ZBBX: variants seen among roughly 807,000 people sequenced by gnomAD.
The protein encoded by ZBBX is zinc finger B-box domain containing, also known as zinc finger B-box domain-containing protein 1.
A neutral mutation model predicts 108.5 loss-of-function variants in ZBBX; 101 were observed. That is an observed-to-expected ratio of 0.93 (90% CI 0.79 to 1.10). ZBBX has a LOEUF of 1.10. Ranked by LOEUF, ZBBX falls within the 50% of genes least tolerant of loss-of-function variation. ZBBX has a pLI of 0.00. For missense variants in ZBBX, 1,009 were observed against 941.4 expected (o/e 1.07, Z -0.94); for synonymous variants, 356 against 323.4 (o/e 1.10, Z -1.08).
chr3:167,325,423 C>T (rs1737190143), intron 11 of ZBBX, among the ~76,000 whole-genome samples: 1 of 152,096 alleles, frequency 6.6e-6, no homozygotes, highest in South Asian at 2.1e-4. Context: ...GACGTATTCA[C>T]TATCACGAGA....
At chr3:167,266,010 C>T (rs1725393870) in intron 20 of ZBBX, among the ~76,000 whole-genome samples, 1 of 152,184 alleles carries the variant, frequency 6.6e-6, no homozygotes, top group Middle Eastern at 3.2e-3. Flanking sequence ...CTCTCTTGCC[C>T]TTTTCAATAC....
chr3:167,361,326 G>A (rs1291913946), intron 6 of ZBBX, among the ~76,000 whole-genome samples: 5 of 152,042 alleles, frequency 3.3e-5, no homozygotes, highest in Non-Finnish European at 5.9e-5. Context: ...AAAATTTTGG[G>A]ATTTTAATAT....
chr3:167,401,513 A>G (rs1179339932), intron 1 of ZBBX: 1 of 152,184 alleles, frequency 6.6e-6, no homozygotes, highest in Non-Finnish European at 1.5e-5. Context: ...TTTTATGGCC[A>G]TTTCTTGATT....
chr3:167,205,969 A>G, the ZBBX span, among the ~76,000 whole-genome samples: 2 of 152,118 alleles, frequency 1.3e-5, no homozygotes, highest in Non-Finnish European at 2.9e-5. Context: ...ACGATCAATC[A>G]TCTATATCTT....
At chr3:167,383,787 T>C (rs1239984133), upstream of ZBBX, among the ~76,000 whole-genome samples, 1 of 152,118 alleles carries the variant, frequency 6.6e-6, no homozygotes, top group East Asian at 1.9e-4. Context: ...ACCTGTTCTA[T>C]TCCAGGCACG....
At position 167,305,854 on chromosome 3, in the gene ZBBX, T is replaced by C. The variant is rs778442275; in HGVS notation, c.1514A>G (p.Asn505Ser). ...KIEESTSFER[N>S]LKEKNIGLES... Reference sequence around the variant, plus strand: ...TAAACCTATATTTTTCTCCTTTAAATTTCTTTCAAAGGAGGTGCTTTCCTC... The same window carrying C: ...TAAACCTATATTTTTCTCCTTTAAACTTCTTTCAAAGGAGGTGCTTTCCTC... The change falls in exon 17 of 22, where the codon AAT (asparagine) becomes AGT (serine). Residue 505 changes from asparagine to serine, a missense_variant. Asn to Ser is a conservative substitution (Grantham distance 46). Coordinates refer to ENST00000675490, the MANE Select transcript of ZBBX (RefSeq NM_001199201.2). 1 of 1,610,724 alleles carries C rather than the reference T, an allele frequency of 6.2e-7. No individual in the cohort carries two copies. The highest frequency in any genetic ancestry group is 8.5e-7 in the Non-Finnish European group (1 of 1,178,396).
intron 6 of ZBBX, among the ~76,000 whole-genome samples, chr3:167,362,549 CT>C (rs1744685823): frequency 6.6e-6 from 1 of 152,140 alleles, no homozygotes; most frequent in Admixed American, 6.6e-5. Context: ...ACTAATTGTC[CT>C]TCCTTCCAAG....
chr3:167,198,885 G>A, the ZBBX span, among the ~76,000 whole-genome samples: 4 of 152,150 alleles, frequency 2.6e-5, no homozygotes, highest in Non-Finnish European at 5.9e-5. Context: ...TGAAAGTAAA[G>A]GTTATTTGGT....
chr3:167,245,779 T>G (rs1274750930), intron 20 of ZBBX, among the ~76,000 whole-genome samples: 1 of 152,186 alleles, frequency 6.6e-6, no homozygotes, highest in Non-Finnish European at 1.5e-5. Context: ...TCCACAGCCA[T>G]GCTTCCCGTG....
upstream of ZBBX, among the ~76,000 whole-genome samples, chr3:167,384,394 G>T (rs938071554): frequency 6.6e-6 from 1 of 152,044 alleles, no homozygotes; most frequent in African/African-American, 2.4e-5. Context: ...ACATTTGATA[G>T]CTTGGTAAAT....
chr3:167,284,733 T>G (rs1214654397), intron 19 of ZBBX, among the ~76,000 whole-genome samples: 1 of 152,158 alleles, frequency 6.6e-6, no homozygotes, highest in Non-Finnish European at 1.5e-5. Flanking sequence ...ACCATCTTTC[T>G]TACTGGAAAT....
chr3:167,362,588 A>G (rs1017764129), intron 6 of ZBBX, among the ~76,000 whole-genome samples: 1 of 152,102 alleles, frequency 6.6e-6, no homozygotes. Flanking sequence ...TGGATCTTCT[A>G]TTAAATAGTC....
intron 10 of ZBBX, among the ~76,000 whole-genome samples, chr3:167,329,114 G>C (rs557477418): frequency 3.9e-5 from 6 of 152,188 alleles, no homozygotes; most frequent in Admixed American, 2.0e-4. Context: ...ATTAATGATG[G>C]TTGTGGAGAG....
In ZBBX at chr3:167,242,624, G is replaced by T; in HGVS notation, c.2274C>A (p.Tyr758Ter). ...CTGGGAACTCTTCTGAGGTTAAGCT[G>T]TAAAGCTTTTCTGAAGTATCTGAAA... is the stretch of plus-strand genomic sequence containing the variant. ...RSLADTSEKL[Y>*]SLTSEEFPDF... The change falls in exon 21 of 22, where the codon TAC (tyrosine) becomes TAA (stop). Residue 758 changes from tyrosine to a stop codon, truncating the protein, a stop_gained. Coordinates refer to ENST00000675490, the MANE Select transcript of ZBBX (RefSeq NM_001199201.2). LOFTEE classifies it high-confidence loss of function. The T allele has an allele frequency of 6.2e-7, 1 of 1,610,270 alleles. No homozygotes were observed. Among genetic ancestry groups the T allele is most frequent in the Non-Finnish European group, 8.5e-7 (1 of 1,178,876 alleles).
At chr3:167,397,183 A>C (rs6777252) in intron 1 of ZBBX, among the ~76,000 whole-genome samples, 15,981 of 145,484 alleles carry the variant, frequency 0.11, 1,047 homozygotes, top group Non-Finnish European at 0.15. Context: ...TCCTTTCTAC[A>C]AAATGCTTTC....
At chr3:167,236,134 G>A (rs529426344), downstream of ZBBX, among the ~76,000 whole-genome samples, 72 of 151,848 alleles carry the variant, frequency 4.7e-4, no homozygotes, top group Middle Eastern at 6.8e-3. Flanking sequence ...ATTTAAAACA[G>A]CTTTGAATTT....
At chr3:167,297,005 T>A (rs1324616543) in intron 18 of ZBBX, among the ~76,000 whole-genome samples, 1 of 152,018 alleles carries the variant, frequency 6.6e-6, no homozygotes, top group Non-Finnish European at 1.5e-5. Context: ...CAAAACAGTG[T>A]GATACCAGTA....
chr3:167,283,114 C>T (rs1011677504), intron 19 of ZBBX, among the ~76,000 whole-genome samples: 5 of 152,094 alleles, frequency 3.3e-5, no homozygotes, highest in African/African-American at 9.7e-5. Flanking sequence ...CCAGAAGCAC[C>T]GATCTAAATT....
chr3:167,385,087 C>T (rs775468820), upstream of ZBBX, among the ~76,000 whole-genome samples: 1 of 151,968 alleles, frequency 6.6e-6, no homozygotes, highest in Non-Finnish European at 1.5e-5. Context: ...TTAATACAAT[C>T]ATGTGTCTCT....
Sources: gnomAD v4.1 joint callset for allele counts (sites outside exome capture counted in the v4.1 genomes callset) on GRCh38, gnomAD v4.1.1 for gene constraint, MANE v1.5 for transcripts, NCBI Gene and HGNC (gene_info 2026-07-23, HGNC 2026-07-21) for gene names.